The following SPAG16 variants were observed in gnomAD, a reference collection of about 807,000 sequenced individuals.
SPAG16 encodes the protein sperm-associated antigen 16 protein.
A neutral mutation model predicts 80.4 loss-of-function variants in SPAG16; 86 were observed. The ratio of observed to expected loss-of-function variants is 1.07; its 90% confidence interval spans 0.90 to 1.28. The LOEUF (loss-of-function observed/expected upper bound fraction) is 1.28, where lower values mean the gene tolerates loss of function less well. Ranked by LOEUF, SPAG16 falls within the 50% of genes most tolerant of loss-of-function variation. The pLI is 0.00. For synonymous variants in SPAG16, 294 were observed against 265.9 expected (o/e 1.11, Z -1.03); for missense variants, 870 against 765.3 (o/e 1.14, Z -1.61).
chr2:213,444,016 A>C (rs759635413), intron 9 of SPAG16, among the ~76,000 whole-genome samples: 51 of 152,200 alleles, frequency 3.4e-4, no homozygotes, highest in Admixed American at 1.2e-3. Flanking sequence ...ACTTCAGCCT[A>C]TTCTCTGCAC....
intron 10 of SPAG16, among the ~76,000 whole-genome samples, chr2:213,831,483 C>G (rs1460654026): frequency 1.3e-5 from 2 of 151,542 alleles, no homozygotes; most frequent in African/African-American, 2.4e-5. Context: ...AGATGAAGTC[C>G]TGTTAACTAA....
At chr2:213,828,554 T>A (rs2073434843) in intron 10 of SPAG16, among the ~76,000 whole-genome samples, 2 of 152,190 alleles carry the variant, frequency 1.3e-5, no homozygotes, top group Non-Finnish European at 2.9e-5. Flanking sequence ...TGAGGTTATG[T>A]TTTTCTGGAT....
intron 10 of SPAG16, among the ~76,000 whole-genome samples, chr2:213,533,127 A>G (rs912888568): frequency 2.6e-5 from 4 of 152,202 alleles, no homozygotes; most frequent in African/African-American, 9.6e-5. Flanking sequence ...TTATGTATAT[A>G]TGTGATATTA....
chr2:213,537,180 G>T (rs1383692961), intron 10 of SPAG16, among the ~76,000 whole-genome samples: 1 of 105,554 alleles, frequency 9.5e-6, no homozygotes, highest in East Asian at 3.5e-4. Context: ...GGGGAGGGGG[G>T]AGGGATAGCT....
intron 13 of SPAG16, among the ~76,000 whole-genome samples, chr2:214,106,567 G>A (rs1237867942): frequency 6.6e-6 from 1 of 152,098 alleles, no homozygotes; most frequent in Non-Finnish European, 1.5e-5. Context: ...TGACGATAAT[G>A]AGGACCAAGT....
chr2:214,329,065 T>C lies in SPAG16; in HGVS notation c.1721-81075T>C, dbSNP rs556465970. 5.3e-5 allele frequency among the ~76,000 whole-genome samples: 8 copies of C among 152,306 alleles called. No homozygotes were observed. In the South Asian group the frequency reaches 1.7e-3, roughly 32 times the overall value. Reference sequence around the variant, plus strand: ...GTAACTTTGTAGCATCATATCTTTGTGACAAAAAGAACAATAGCCAATCTG... The same window carrying C: ...GTAACTTTGTAGCATCATATCTTTGCGACAAAAAGAACAATAGCCAATCTG... On this transcript the variant is annotated intron_variant, in intron 15 of 15. Transcript: ENST00000331683.
At chr2:213,904,945 G>T (rs1196367885) in intron 11 of SPAG16, among the ~76,000 whole-genome samples, 2 of 152,140 alleles carry the variant, frequency 1.3e-5, no homozygotes, top group African/African-American at 2.4e-5. Flanking sequence ...AACCATTGGA[G>T]AGTTTTGAGC....
At chr2:214,262,670 ATGGGGGCAGGGTTGACTAAG>A (rs1468916469) in intron 15 of SPAG16, among the ~76,000 whole-genome samples, 1 of 152,088 alleles carries the variant, frequency 6.6e-6, no homozygotes, top group Non-Finnish European at 1.5e-5. Context: ...TATCTATAAA[ATGGGGGCAGGGTTGACTAAG>A]TGATTCCAAG....
chr2:214,195,476 T>C (rs564205838), intron 15 of SPAG16, among the ~76,000 whole-genome samples: 2 of 152,138 alleles, frequency 1.3e-5, no homozygotes, highest in Non-Finnish European at 2.9e-5. Flanking sequence ...CTGATGGGGC[T>C]GTAATAGAAG....
chr2:214,276,319 G>C (rs1439384956), intron 15 of SPAG16, among the ~76,000 whole-genome samples: 1 of 152,168 alleles, frequency 6.6e-6, no homozygotes, highest in African/African-American at 2.4e-5. Flanking sequence ...TGTTATGTGT[G>C]AATTTGATCC....
chr2:213,446,514 A>G (rs1370828925), intron 9 of SPAG16, among the ~76,000 whole-genome samples: 1 of 152,134 alleles, frequency 6.6e-6, no homozygotes, highest in African/African-American at 2.4e-5. Context: ...GGCTCCTTTG[A>G]ATAAACATAG....
intron 10 of SPAG16, among the ~76,000 whole-genome samples, chr2:213,557,153 G>A (rs1371071808): frequency 2.0e-5 from 3 of 152,106 alleles, no homozygotes; most frequent in Non-Finnish European, 4.4e-5. Flanking sequence ...AATGGACCAT[G>A]TCAGACAAGC....
chr2:214,088,732 C>T (rs556163401), intron 13 of SPAG16, among the ~76,000 whole-genome samples: 40 of 151,960 alleles, frequency 2.6e-4, no homozygotes, highest in Non-Finnish European at 4.6e-4. Flanking sequence ...AAGATCTAAC[C>T]TCTAAAACAG....
In SPAG16 at chr2:213,505,378, C is replaced by T. The variant is rs111860798; in HGVS notation, c.1070+15288C>T. ...ATAATGAGTAAAATTCTACTATATT[C>T]TGGTAGCATCACTCTGCAAGATTTA... On this transcript the variant is annotated intron_variant, in intron 10 of 15. Coordinates refer to ENST00000331683, the MANE Select transcript of SPAG16 (RefSeq NM_024532.5). 7.9e-4 allele frequency among the ~76,000 whole-genome samples: 120 copies of T among 151,882 alleles called. 2 individuals carry two copies. Among genetic ancestry groups the T allele is most frequent in the Middle Eastern group, 3.5e-3 (1 of 288 alleles).
At chr2:213,655,133 A>G (rs2063174424) in intron 10 of SPAG16, among the ~76,000 whole-genome samples, 1 of 152,210 alleles carries the variant, frequency 6.6e-6, no homozygotes. Context: ...AACTTTGATG[A>G]TAATGATGTG....
chr2:213,374,960 T>C (rs192888716), intron 8 of SPAG16, 50 bp from the exon 9 acceptor site: 16 of 1,358,966 alleles, frequency 1.2e-5, no homozygotes, highest in Non-Finnish European at 3.0e-6. Flanking sequence ...GCAATCATTT[T>C]ATACCGATAA....
chr2:213,941,237 G>A (rs72948801), intron 12 of SPAG16, among the ~76,000 whole-genome samples: 22,231 of 151,974 alleles, frequency 0.15, 2,025 homozygotes, highest in Non-Finnish European at 0.21. Flanking sequence ...TCCCTTCAAG[G>A]TACAATTTAT....
At chr2:213,795,064 G>A (rs1344633) in intron 10 of SPAG16, among the ~76,000 whole-genome samples, 91,375 of 151,854 alleles carry the variant, frequency 0.6, 29,533 homozygotes, top group South Asian at 0.86. Flanking sequence ...ATAAAAACCT[G>A]TGCAAACTTT....
intron 12 of SPAG16, among the ~76,000 whole-genome samples, chr2:213,975,873 T>C (rs1234068429): frequency 6.6e-6 from 1 of 151,848 alleles, no homozygotes; most frequent in Non-Finnish European, 1.5e-5. Context: ...GTTAGGAATC[T>C]GGTGGCAGCT....
Sources: allele counts gnomAD v4.1 joint callset (sites outside exome capture counted in the v4.1 genomes callset), GRCh38; gene constraint gnomAD v4.1.1; transcripts MANE v1.5; gene names NCBI Gene and HGNC (gene_info 2026-07-23, HGNC 2026-07-21).